Variants in CNBD1 observed in about 807,000 individuals in gnomAD.
CNBD1 encodes the protein cyclic nucleotide binding domain containing 1.
A neutral mutation model predicts 54.4 loss-of-function variants in CNBD1; 71 were observed. That is an observed-to-expected ratio of 1.30 (90% CI 1.08 to 1.59). The LOEUF is 1.59. CNBD1 is among the 40% of genes most tolerant of loss of function. The pLI is 0.00. For synonymous variants in CNBD1, 182 were observed against 170.7 expected, an observed-to-expected ratio of 1.07 and a Z score of -0.51; for missense variants, 659 against 518.0, an observed-to-expected ratio of 1.27 and a Z score of -2.64.
chr8:87,110,511 G>A (rs1586263374), intron 4 of CNBD1, among the ~76,000 whole-genome samples: 1 of 152,100 alleles, frequency 6.6e-6, no homozygotes, highest in Non-Finnish European at 1.5e-5. Flanking sequence ...TGGGTGGCAC[G>A]GGTGTAATAG....
chr8:87,038,276 T>C (rs760831190), intron 4 of CNBD1, among the ~76,000 whole-genome samples: 7 of 152,184 alleles, frequency 4.6e-5, no homozygotes, highest in Non-Finnish European at 7.3e-5. Flanking sequence ...TCCTGATGGC[T>C]TCTTCCTGCC....
chr8:86,910,924 C>T (rs1184140709), intron 3 of CNBD1, among the ~76,000 whole-genome samples: 1 of 152,176 alleles, frequency 6.6e-6, no homozygotes, highest in Non-Finnish European at 1.5e-5. Context: ...GTTTGATTTA[C>T]ACAGGGCACA....
At chr8:87,183,683 T>G (rs1813411763) in intron 4 of CNBD1, among the ~76,000 whole-genome samples, 1 of 152,224 alleles carries the variant, frequency 6.6e-6, no homozygotes, top group South Asian at 2.1e-4. Context: ...ATCTTTGAAG[T>G]TGCTGTCCTT....
chr8:86,995,609 C>A (rs1428620570), intron 4 of CNBD1, among the ~76,000 whole-genome samples: 1 of 151,888 alleles, frequency 6.6e-6, no homozygotes, highest in Non-Finnish European at 1.5e-5. Context: ...GAGCAAAGCA[C>A]AAGGACATTA....
chr8:87,254,703 C>A (rs1038957742), intron 6 of CNBD1, among the ~76,000 whole-genome samples: 3 of 152,164 alleles, frequency 2.0e-5, no homozygotes, highest in Non-Finnish European at 2.9e-5. Flanking sequence ...TCACGTATCA[C>A]CTGTTCAAGC....
At chr8:87,378,234 T>C (rs1392996421) in intron 10 of CNBD1, among the ~76,000 whole-genome samples, 1 of 142,958 alleles carries the variant, frequency 7.0e-6, no homozygotes, top group African/African-American at 2.7e-5. Flanking sequence ...TGCCCATGCC[T>C]ATGTCCTGAA....
At chr8:87,266,283 A>G (rs1808255768) in intron 6 of CNBD1, among the ~76,000 whole-genome samples, 1 of 151,758 alleles carries the variant, frequency 6.6e-6, no homozygotes, top group African/African-American at 2.4e-5. Flanking sequence ...GATATCCCTA[A>G]AGAAGATACT....
At chr8:87,275,336 A>T (rs1317558048) in intron 6 of CNBD1, among the ~76,000 whole-genome samples, 1 of 150,848 alleles carries the variant, frequency 6.6e-6, no homozygotes, top group Admixed American at 6.6e-5. Context: ...CTTGATGGGG[A>T]TAGCATTGAA....
chr8:87,193,246 C>T (rs1813649476), intron 4 of CNBD1, among the ~76,000 whole-genome samples: 1 of 151,948 alleles, frequency 6.6e-6, no homozygotes, highest in African/African-American at 2.4e-5. Flanking sequence ...TATATTTGAC[C>T]AATATTAAAA....
intron 6 of CNBD1, among the ~76,000 whole-genome samples, chr8:87,265,726 C>G (rs1389013520): frequency 6.6e-6 from 1 of 151,968 alleles, no homozygotes; most frequent in East Asian, 1.9e-4. Context: ...TCATTTATGA[C>G]TGCTTTCTGC....
intron 10 of CNBD1, among the ~76,000 whole-genome samples, chr8:87,366,970 G>T (rs1586051055): frequency 6.6e-6 from 1 of 151,974 alleles, no homozygotes; most frequent in South Asian, 2.1e-4. Flanking sequence ...GGGAATATTT[G>T]CCTGTAATTC....
At chr8:87,399,177 T>C (rs1046817917) in intron 2 of CNBD1, among the ~76,000 whole-genome samples, 3 of 152,084 alleles carry the variant, frequency 2.0e-5, no homozygotes, top group Admixed American at 6.6e-5. Context: ...TAGCTGATGG[T>C]TATTTTTGTT....
intron 4 of CNBD1, among the ~76,000 whole-genome samples, chr8:87,079,214 T>G (rs185501170): frequency 6.6e-6 from 1 of 152,292 alleles, no homozygotes; most frequent in East Asian, 1.9e-4. Context: ...TGAATAGTTT[T>G]TTATTGTTAT....
intron 4 of CNBD1, among the ~76,000 whole-genome samples, chr8:87,173,195 A>G (rs1276846725): frequency 6.6e-6 from 1 of 152,076 alleles, no homozygotes; most frequent in East Asian, 1.9e-4. Context: ...TTGTCTTCCC[A>G]CTTTTTAACT....
chr8:87,397,321 T>C (rs1811427368), intron 2 of CNBD1, among the ~76,000 whole-genome samples: 1 of 151,962 alleles, frequency 6.6e-6, no homozygotes, highest in Admixed American at 6.6e-5. Flanking sequence ...CCTACTTTCC[T>C]AGTTAGTGTG....
intron 8 of CNBD1, among the ~76,000 whole-genome samples, chr8:87,327,387 G>T (rs1242639459): frequency 6.6e-6 from 1 of 151,576 alleles, no homozygotes; most frequent in Non-Finnish European, 1.5e-5. Flanking sequence ...GCAATGGTGG[G>T]CGCCCCTCCC....
chr8:87,014,146 CA>C (rs377250640), intron 4 of CNBD1, among the ~76,000 whole-genome samples: 1 of 148,508 alleles, frequency 6.7e-6, no homozygotes, highest in African/African-American at 2.5e-5. Flanking sequence ...ATACAGAAAA[CA>C]AAAAAAAACC....
chr8:86,977,066 A>G (rs1808359880), intron 4 of CNBD1, among the ~76,000 whole-genome samples: 1 of 152,006 alleles, frequency 6.6e-6, no homozygotes, highest in Non-Finnish European at 1.5e-5. Flanking sequence ...TATGCTGAAC[A>G]GAAGTGGTGA....
intron 5 of CNBD1, among the ~76,000 whole-genome samples, chr8:87,211,762 G>A (rs561285413): frequency 2.6e-5 from 4 of 152,162 alleles, no homozygotes; most frequent in African/African-American, 9.7e-5. Flanking sequence ...AGAGCCATGA[G>A]CCAATTAAAC....
Sources: allele counts gnomAD v4.1 joint callset (sites outside exome capture counted in the v4.1 genomes callset), GRCh38; gene constraint gnomAD v4.1.1; transcripts MANE v1.5; gene names NCBI Gene and HGNC (gene_info 2026-07-23, HGNC 2026-07-21).